The following ASB15 variants were observed in gnomAD, a reference collection of about 807,000 sequenced individuals.
The protein encoded by ASB15 is ankyrin repeat and SOCS box containing 15.
In ASB15, 54 loss-of-function variants were observed where a neutral mutation model predicts 58.0. That is an observed-to-expected ratio of 0.93 (90% CI 0.75 to 1.17). The LOEUF (loss-of-function observed/expected upper bound fraction) is 1.17. ASB15 is among the 50% of genes most tolerant of loss of function. ASB15 has a pLI of 0.00. For synonymous variants in ASB15, 249 were observed against 262.4 expected (o/e 0.95, Z 0.50); for missense variants, 680 against 707.4 (o/e 0.96, Z 0.44).
chr7:123,573,288 C>CTTTT (rs35889563), intron 1 of ASB15, among the ~76,000 whole-genome samples: 3 of 117,908 alleles, frequency 2.5e-5, no homozygotes, highest in Non-Finnish European at 5.3e-5. Context: ...TCTGGATTTG[C>CTTTT]TTTTTTTTTT....
At chr7:123,616,175 A>G (rs774745519) in intron 4 of ASB15, 46 bp from the exon 5 acceptor site, 4 of 1,427,914 alleles carry the variant, frequency 2.8e-6, no homozygotes, top group African/African-American at 2.9e-5. Flanking sequence ...TCCTTGAACT[A>G]TATCACTAGT....
chr7:123,633,288 T>A (rs996389899), intron 11 of ASB15, among the ~76,000 whole-genome samples: 16 of 152,040 alleles, frequency 1.1e-4, no homozygotes, highest in Non-Finnish European at 4.4e-5. Flanking sequence ...TTTTGAATAT[T>A]AGTACATAGA....
At chr7:123,619,704 T>C (rs1251540414) in intron 7 of ASB15, among the ~76,000 whole-genome samples, 12 of 152,106 alleles carry the variant, frequency 7.9e-5, no homozygotes, top group Admixed American at 1.3e-4. Flanking sequence ...TTTGTATTTT[T>C]AGTAGAGATG....
intron 1 of ASB15, chr7:123,596,326 T>C (rs1041053885): frequency 6.6e-6 from 1 of 152,080 alleles, no homozygotes; most frequent in Non-Finnish European, 1.5e-5. Context: ...CATTGAAATA[T>C]TTAGGCCAGG....
At chr7:123,587,985 C>T (rs775350196) in intron 1 of ASB15, among the ~76,000 whole-genome samples, 20 of 151,608 alleles carry the variant, frequency 1.3e-4, no homozygotes, top group Non-Finnish European at 2.8e-4. Context: ...GGGATATTGC[C>T]ATGTAATTTT....
intron 1 of ASB15, among the ~76,000 whole-genome samples, chr7:123,587,754 T>C (rs1799416001): frequency 6.6e-6 from 1 of 151,830 alleles, no homozygotes; most frequent in East Asian, 1.9e-4. Context: ...AAAAAAGATG[T>C]TGATATTTGT....
intron 3 of ASB15, among the ~76,000 whole-genome samples, chr7:123,612,605 G>A (rs563245418): frequency 1.3e-5 from 2 of 152,142 alleles, no homozygotes; most frequent in Admixed American, 6.5e-5. Flanking sequence ...GGAGGGCCTC[G>A]TGAATAAAGA....
intron 7 of ASB15, among the ~76,000 whole-genome samples, chr7:123,622,484 C>A (rs1801395256): frequency 6.6e-6 from 1 of 152,034 alleles, no homozygotes; most frequent in South Asian, 2.1e-4. Context: ...GAAATACATT[C>A]TTGATTTCAA....
At chr7:123,593,272 T>C (rs1475407647) in intron 1 of ASB15, among the ~76,000 whole-genome samples, 1 of 152,202 alleles carries the variant, frequency 6.6e-6, no homozygotes, top group African/African-American at 2.4e-5. Context: ...CCTGTTTACA[T>C]TTAAGGTTAA....
intron 1 of ASB15, among the ~76,000 whole-genome samples, chr7:123,582,198 T>C (rs572085205): frequency 7.2e-5 from 11 of 151,962 alleles, no homozygotes; most frequent in African/African-American, 2.4e-4. Context: ...CCAGACCACT[T>C]TGAGGGACAG....
chr7:123,626,077 A>G (rs570273099), intron 8 of ASB15, among the ~76,000 whole-genome samples: 1 of 152,236 alleles, frequency 6.6e-6, no homozygotes, highest in East Asian at 1.9e-4. Flanking sequence ...GCTGTCTGAT[A>G]TTTTGTTTCA....
In ASB15 at chr7:123,627,279, T is replaced by C. The variant is rs772698531; in HGVS notation, c.867T>C (p.Tyr289=). The C allele has an allele frequency of 8.1e-6, 13 of 1,609,862 alleles. No individual in the cohort carries two copies. The South Asian group carries it at 1.2e-4, about 15-fold the overall frequency. Residue 289 remains tyrosine, a splice_region_variant and synonymous_variant, in exon 9 of 12, where the codon TAT becomes TAC. Transcript: ENST00000451215. ...PIHRAAYEGH[Y]LALKYLIPVT... is the part of the protein sequence containing the mutation. The stretch of plus-strand genomic sequence containing the variant: ...ACCGAGCTGCCTATGAGGGGCATTA[T>C]CTGTGAGTGATAAATTATAGGGTAA...
chr7:123,623,922 GAAAGAAAGA>G (rs1238498863), intron 7 of ASB15, among the ~76,000 whole-genome samples: 25 of 76,904 alleles, frequency 3.3e-4, no homozygotes, highest in Non-Finnish European at 5.0e-4. Context: ...AAGGAAGGAA[GAAAGAAAGA>G]AAAGAAAGAA....
chr7:123,611,439 C>T (rs1034204219), intron 3 of ASB15, among the ~76,000 whole-genome samples: 9 of 151,580 alleles, frequency 5.9e-5, no homozygotes, highest in African/African-American at 9.7e-5. Flanking sequence ...GGACTACAGG[C>T]GCCCGCCACC....
chr7:123,625,027 C>A, intron 8 of ASB15: 1 of 561,274 alleles, frequency 1.8e-6, no homozygotes, highest in Non-Finnish European at 3.1e-6. Context: ...TACGAATTTA[C>A]AAGCCCAGTC....
At chr7:123,574,515 T>C (rs1288090408) in intron 1 of ASB15, among the ~76,000 whole-genome samples, 1 of 152,170 alleles carries the variant, frequency 6.6e-6, no homozygotes, top group Non-Finnish European at 1.5e-5. Context: ...GATAGTGGGC[T>C]GTGAACCACA....
intron 1 of ASB15, among the ~76,000 whole-genome samples, chr7:123,570,518 G>A (rs1386606384): frequency 1.3e-5 from 2 of 151,946 alleles, no homozygotes; most frequent in African/African-American, 4.8e-5. Flanking sequence ...AATGATCTGG[G>A]CATGAGCAAG....
intron 9 of ASB15, 58 bp from the exon 10 acceptor site, chr7:123,628,806 T>C: frequency 8.2e-7 from 1 of 1,213,278 alleles, no homozygotes. Flanking sequence ...AGAACGGTAG[T>C]TTATTTAATT....
intron 9 of ASB15, among the ~76,000 whole-genome samples, chr7:123,627,587 G>A (rs1307066716): frequency 1.3e-5 from 2 of 152,142 alleles, no homozygotes; most frequent in South Asian, 4.1e-4. Flanking sequence ...GTTTACAAAT[G>A]TATTTAACAA....
Sources: gnomAD v4.1 joint callset for allele counts (sites outside exome capture counted in the v4.1 genomes callset) on GRCh38, gnomAD v4.1.1 for gene constraint, MANE v1.5 for transcripts, NCBI Gene and HGNC (gene_info 2026-07-23, HGNC 2026-07-21) for gene names.